The following PIN4 variants were observed in gnomAD, a reference collection of about 807,000 sequenced individuals.
PIN4 encodes the protein peptidylprolyl cis/trans isomerase, NIMA-interacting 4, also known as peptidyl-prolyl cis-trans isomerase NIMA-interacting 4.
Under a neutral mutation model 8.3 loss-of-function variants are expected in PIN4, and 3 were observed. The observed-to-expected ratio is 0.36, with a 90% confidence interval of 0.16 to 0.93. The LOEUF (loss-of-function observed/expected upper bound fraction) is 0.93. PIN4 is among the 40% of genes least tolerant of loss of function. PIN4 has a pLI of 0.44. For synonymous variants in PIN4, 18 were observed against 32.5 expected, an observed-to-expected ratio of 0.55 and a Z score of 1.52; for missense variants, 75 against 100.6, an observed-to-expected ratio of 0.75 and a Z score of 1.09.
chrX:72,209,427 C>A (rs2042839920), intron 3 of PIN4, among the ~76,000 whole-genome samples: 1 of 112,041 alleles, frequency 8.9e-6, no homozygotes, highest in African/African-American at 3.2e-5. Context: ...TAAAAACGTG[C>A]TTCTCCATTT....
chrX:72,183,753 G>A (rs141356725), intron 1 of PIN4, among the ~76,000 whole-genome samples: 9,029 of 111,712 alleles, frequency 0.081, 398 homozygotes, highest in Non-Finnish European at 0.12. Flanking sequence ...TGCTTCTTTG[G>A]AATGGGGAAA....
At chrX:72,224,682 T>C (rs774219966) in intron 3 of PIN4, among the ~76,000 whole-genome samples, 2 of 110,597 alleles carry the variant, frequency 1.8e-5, no homozygotes, top group African/African-American at 6.6e-5. Context: ...GAGGTGGAGG[T>C]TGCAGCAAGC....
At chrX:72,201,350 G>T (rs903768768), downstream of PIN4, among the ~76,000 whole-genome samples, 3 of 112,106 alleles carry the variant, frequency 2.7e-5, no homozygotes, top group East Asian at 5.6e-4. Flanking sequence ...CCAGTTCTTT[G>T]GGGGGCCGAG....
In PIN4 at chrX:72,214,752, C is replaced by T. The variant is rs143939525; in HGVS notation, c.312+17848C>T. Among the ~76,000 whole-genome samples the T allele has an allele frequency of 6.9e-3, 756 of 110,338 alleles. 4 individuals carry two copies. The highest frequency in any genetic ancestry group is 0.011 in the Non-Finnish European group (600 of 52,893). On this transcript the variant is annotated intron_variant, in intron 3 of 3. Coordinates refer to the PIN4 transcript ENST00000423432. ...CTGTAATCCTAGCACTTTGGGAGGC[C>T]GAGGTGGGCAGATCACTTGAGGTCA...
intron 3 of PIN4, among the ~76,000 whole-genome samples, chrX:72,212,921 G>A (rs1215817041): frequency 9.0e-6 from 1 of 111,661 alleles, no homozygotes; most frequent in Non-Finnish European, 1.9e-5. Flanking sequence ...ACTCCAGCCT[G>A]GGCTACAGAG....
chrX:72,249,410 G>A (rs1385074452), intron 3 of PIN4, among the ~76,000 whole-genome samples: 1 of 111,984 alleles, frequency 8.9e-6, no homozygotes, highest in African/African-American at 3.2e-5. Flanking sequence ...TTCAAATAAA[G>A]TTAAACCCAG....
intron 3 of PIN4, among the ~76,000 whole-genome samples, chrX:72,230,072 G>A (rs1232396048): frequency 1.8e-5 from 2 of 110,103 alleles, no homozygotes; most frequent in Non-Finnish European, 3.8e-5. Flanking sequence ...CTACTTGGGA[G>A]GCTGAGGCAG....
chrX:72,216,168 A>T (rs1377934151), intron 3 of PIN4, among the ~76,000 whole-genome samples: 1 of 110,192 alleles, frequency 9.1e-6, no homozygotes, highest in East Asian at 2.9e-4. Context: ...ACCTCATATG[A>T]CTAGTTTACT....
At chrX:72,220,244 T>C (rs771791815) in intron 3 of PIN4, among the ~76,000 whole-genome samples, 2 of 110,981 alleles carry the variant, frequency 1.8e-5, no homozygotes, top group African/African-American at 6.5e-5. Context: ...GGACTAAAGA[T>C]AAAAAATGTA....
chrX:72,223,205 T>C (rs2042934937), intron 3 of PIN4, among the ~76,000 whole-genome samples: 2 of 100,525 alleles, frequency 2.0e-5, no homozygotes, highest in South Asian at 5.3e-4. Context: ...CCGGGCATGG[T>C]GGCAGGCGCC....
intron 3 of PIN4, among the ~76,000 whole-genome samples, chrX:72,236,874 G>A (rs1175323091): frequency 8.9e-6 from 1 of 112,090 alleles, no homozygotes; most frequent in African/African-American, 3.2e-5. Flanking sequence ...GTATACACAC[G>A]CACACACATC....
intron 2 of PIN4, 29 bp from the exon 3 acceptor site, chrX:72,196,756 T>C (rs2042768256): frequency 8.4e-7 from 1 of 1,186,015 alleles, no homozygotes; most frequent in Admixed American, 2.2e-5. Context: ...GGTCTCCAAG[T>C]ATTACATGAA....
At chrX:72,253,771 C>CA (rs773124326) in intron 3 of PIN4, among the ~76,000 whole-genome samples, 1,499 of 95,576 alleles carry the variant, frequency 0.016, 15 homozygotes, top group Middle Eastern at 0.033. Context: ...ACCATCTCTA[C>CA]AAAAAAAAAA....
chrX:72,197,735 A>T lies in PIN4; in HGVS notation c.*209A>T. The T allele has an allele frequency of 1.0e-6, 1 of 955,225 alleles. No homozygotes were observed. The highest frequency in any genetic ancestry group is 1.3e-6 in the Non-Finnish European group (1 of 764,372). The allele number at this position is 955,225 out of a possible 1,213,427, so 78.7% of individuals were successfully genotyped here. A position where few individuals can be genotyped will look rare whatever the true frequency, so the allele number is the denominator to read the frequency against. On this transcript the variant is annotated 3_prime_UTR_variant, in exon 4 of 4. Coordinates refer to ENST00000373669, the MANE Select transcript of PIN4 (RefSeq NM_006223.4). ...TGAATGTCAACTGTAGTAGGTATTC[A>T]GTCAGTCTTTCTCAAAGAGAAGTCA...
At chrX:72,208,326 A>G (rs1186445719) in intron 3 of PIN4, 2 of 1,211,836 alleles carry the variant, frequency 1.7e-6, no homozygotes, top group African/African-American at 1.7e-5. Context: ...TCAGCAGCAC[A>G]TGATTCACAA....
chrX:72,229,771 C>T (rs763085574), intron 3 of PIN4, among the ~76,000 whole-genome samples: 4 of 111,792 alleles, frequency 3.6e-5, no homozygotes, highest in Admixed American at 1.9e-4. Context: ...CCCTTAATAG[C>T]CACCTTGGGT....
intron 2 of PIN4, among the ~76,000 whole-genome samples, chrX:72,189,164 C>T (rs911426480): frequency 5.5e-5 from 6 of 109,889 alleles, no homozygotes; most frequent in African/African-American, 1.7e-4. Context: ...GACCTTGTCT[C>T]TAAAAAAGAA....
chrX:72,241,878 A>G (rs1054379213), intron 3 of PIN4, among the ~76,000 whole-genome samples: 1 of 112,065 alleles, frequency 8.9e-6, no homozygotes, highest in Non-Finnish European at 1.9e-5. Context: ...AAAGGAGCTA[A>G]GGATGAGTTG....
At chrX:72,203,371 G>A (rs756774545) in intron 3 of PIN4, among the ~76,000 whole-genome samples, 2 of 111,793 alleles carry the variant, frequency 1.8e-5, no homozygotes, top group South Asian at 7.5e-4. Flanking sequence ...GGGATGGGAC[G>A]GTCATGGGAA....
Sources: gnomAD v4.1 joint callset for allele counts (sites outside exome capture counted in the v4.1 genomes callset) on GRCh38, gnomAD v4.1.1 for gene constraint, MANE v1.5 for transcripts, NCBI Gene and HGNC (gene_info 2026-07-23, HGNC 2026-07-21) for gene names.